The following PROCR variants were observed in gnomAD, a reference collection of about 807,000 sequenced individuals.
PROCR encodes the protein protein C receptor, also known as endothelial protein C receptor.
PROCR carries 22 observed loss-of-function variants against 24.2 expected under a neutral mutation model. That is an observed-to-expected ratio of 0.91 (90% CI 0.65 to 1.30). The LOEUF (loss-of-function observed/expected upper bound fraction) is 1.30, where lower values mean the gene tolerates loss of function less well. PROCR is among the 50% of genes most tolerant of loss of function. The probability of loss-of-function intolerance (pLI) is 0.00; values close to 1 mark genes in which losing one functional copy is unlikely to be tolerated. For synonymous variants in PROCR, 137 were observed against 139.2 expected, an observed-to-expected ratio of 0.98 and a Z score of 0.11; for missense variants, 288 against 307.7, an observed-to-expected ratio of 0.94 and a Z score of 0.48.
chr20:35,184,795 C>T (rs1359488854), intron 1 of PROCR, among the ~76,000 whole-genome samples: 1 of 152,096 alleles, frequency 6.6e-6, no homozygotes, highest in Non-Finnish European at 1.5e-5. Context: ...TGGAAAAACC[C>T]TTCTAGACAT....
intron 1 of PROCR, among the ~76,000 whole-genome samples, chr20:35,201,019 TACTGAAGTGGTCTAGA>T (rs2146172288): frequency 6.6e-6 from 1 of 152,310 alleles, no homozygotes; most frequent in South Asian, 2.1e-4. Context: ...ATATTCACTT[TACTGAAGTGGTCTAGA>T]ACTGAACCTG....
chr20:35,191,621 G>A (rs2086174536), intron 1 of PROCR, among the ~76,000 whole-genome samples: 1 of 152,152 alleles, frequency 6.6e-6, no homozygotes, highest in South Asian at 2.1e-4. Context: ...AAGTGCAAGA[G>A]TGGCCAGGGG....
chr20:35,188,038 C>A (rs1456264724), intron 1 of PROCR, among the ~76,000 whole-genome samples: 1 of 152,218 alleles, frequency 6.6e-6, no homozygotes, highest in Non-Finnish European at 1.5e-5. Context: ...CTGGCATATT[C>A]TAAAAGTATC....
chr20:35,177,095 G>C lies in PROCR; in HGVS notation c.*282G>C. The C allele has an allele frequency of 8.2e-7, 1 of 1,225,074 alleles. No individual in the cohort carries two copies. The highest frequency in any genetic ancestry group is 3.5e-5 in the Admixed American group (1 of 28,574). The allele number at this position is 1,225,074 out of a possible 1,614,324, so 75.9% of individuals were successfully genotyped here. ...ATCTTTGTGGAAAACAGATAATGGAGTTGGGGCAGGAAGCCTATGGCCCAT... is the reference window on the plus strand; with the variant it reads ...ATCTTTGTGGAAAACAGATAATGGACTTGGGGCAGGAAGCCTATGGCCCAT... On this transcript the variant is annotated 3_prime_UTR_variant, in exon 4 of 4. Transcript: ENST00000216968.
intron 1 of PROCR, among the ~76,000 whole-genome samples, chr20:35,174,163 T>G (rs943803166): frequency 2.0e-5 from 3 of 152,198 alleles, no homozygotes; most frequent in African/African-American, 7.2e-5. Context: ...GCTATGATTA[T>G]TTTTGATTAA....
chr20:35,200,199 C>G (rs2060313598), intron 1 of PROCR, among the ~76,000 whole-genome samples: 1 of 152,180 alleles, frequency 6.6e-6, no homozygotes, highest in Non-Finnish European at 1.5e-5. Context: ...TAGAATATTA[C>G]ATAAACTTAG....
chr20:35,214,550 G>A (rs749598339), intron 1 of PROCR, among the ~76,000 whole-genome samples: 3 of 151,706 alleles, frequency 2.0e-5, no homozygotes, highest in Admixed American at 1.3e-4. Flanking sequence ...TTAGCTAGGC[G>A]TGGTGGTGGG....
chr20:35,174,897 A>T lies in PROCR; in HGVS notation c.266A>T (p.Tyr89Phe). The T allele has an allele frequency of 6.2e-7, 1 of 1,601,016 alleles. No homozygotes were observed. Among genetic ancestry groups the T allele is most frequent in the South Asian group, 1.1e-5 (1 of 90,526 alleles). The change falls in exon 2 of 4, where the codon TAC (tyrosine) becomes TTC (phenylalanine). Residue 89 changes from tyrosine (Y) to phenylalanine (F), a missense_variant. Coordinates refer to ENST00000216968, the MANE Select transcript of PROCR (RefSeq NM_006404.5). ...CGCACGCAGAGTGGCCTGCAGTCCT[A>T]CCTGCTCCAGTTCCACGGCCTCGTG... ...WARTQSGLQS[Y>F]LLQFHGLVRL... is the part of the protein sequence containing the mutation.
At chr20:35,189,767 A>T (rs907999264) in intron 1 of PROCR, among the ~76,000 whole-genome samples, 6 of 152,158 alleles carry the variant, frequency 3.9e-5, no homozygotes, top group African/African-American at 1.2e-4. Flanking sequence ...ATAGAAAAGA[A>T]CCCACGTTGA....
chr20:35,207,037 C>T (rs1181750092), intron 1 of PROCR, among the ~76,000 whole-genome samples: 2 of 152,168 alleles, frequency 1.3e-5, no homozygotes, highest in African/African-American at 2.4e-5. Context: ...ATACACTCAA[C>T]AACATGGATG....
intron 1 of PROCR, among the ~76,000 whole-genome samples, chr20:35,207,413 TAC>T (rs971479920): frequency 2.0e-5 from 3 of 149,954 alleles, no homozygotes; most frequent in Middle Eastern, 3.5e-3. Flanking sequence ...TATATATATA[TAC>T]ACATATGAAT....
At chr20:35,186,522 C>T (rs867458164) in intron 1 of PROCR, among the ~76,000 whole-genome samples, 9 of 147,496 alleles carry the variant, frequency 6.1e-5, no homozygotes, top group South Asian at 2.1e-4. Context: ...GCCAAGATCG[C>T]GCCATTGCAC....
intron 1 of PROCR, among the ~76,000 whole-genome samples, chr20:35,212,605 C>G (rs1372554319): frequency 6.6e-6 from 1 of 152,218 alleles, no homozygotes; most frequent in Non-Finnish European, 1.5e-5. Flanking sequence ...CCATTTTCAA[C>G]TTCTTCCCAG....
chr20:35,193,840 G>C (rs1242850247), intron 1 of PROCR, among the ~76,000 whole-genome samples: 1 of 152,152 alleles, frequency 6.6e-6, no homozygotes, highest in Non-Finnish European at 1.5e-5. Flanking sequence ...TCACTATATA[G>C]ATAACATGTA....
intron 1 of PROCR, among the ~76,000 whole-genome samples, chr20:35,183,505 T>C (rs1015237628): frequency 6.6e-6 from 1 of 152,220 alleles, no homozygotes; most frequent in African/African-American, 2.4e-5. Context: ...CCATGCTTCC[T>C]GTACATCCTG....
chr20:35,171,198 G>T (rs1356046474), upstream of PROCR, among the ~76,000 whole-genome samples: 1 of 152,124 alleles, frequency 6.6e-6, no homozygotes, highest in Non-Finnish European at 1.5e-5. Flanking sequence ...TGACTTTAAA[G>T]CTTTTCTACT....
rs114420603 is a variant in PROCR, at chr20:35,187,044, T to C, written c.94+10598T>C. Among the ~76,000 whole-genome samples the C allele has an allele frequency of 4.4e-3, 677 of 152,300 alleles. 2 individuals carry two copies. Among genetic ancestry groups the C allele is most frequent in the African/African-American group, 0.016 (645 of 41,574 alleles). ...ATTAGGTCAATTCCTTCTTTGCGCTTCCTCAATCCATAGTTTGATCTATCT... is the reference window on the plus strand; with the variant it reads ...ATTAGGTCAATTCCTTCTTTGCGCTCCCTCAATCCATAGTTTGATCTATCT... On this transcript the variant is annotated intron_variant, in intron 1 of 1. Transcript: ENST00000634509.
rs1405610170 is a variant in PROCR at position 35,197,282 on chromosome 20, C to T, written c.95-18611C>T. Among the ~76,000 whole-genome samples, 3 of 152,082 alleles carry T rather than the reference C, an allele frequency of 2.0e-5. No individual in the cohort carries two copies. The East Asian group carries it at 5.8e-4, about 29-fold the overall frequency. ...CCAAACTTTTTCATTATTATTATAT[C>T]TGATGTGGTGATCTGTGATCAGTGA... On this transcript the variant is annotated intron_variant, in intron 1 of 1. Coordinates refer to the PROCR transcript ENST00000634509.
chr20:35,210,088 T>C (rs1258009713), intron 1 of PROCR, among the ~76,000 whole-genome samples: 3 of 151,888 alleles, frequency 2.0e-5, no homozygotes, highest in Non-Finnish European at 4.4e-5. Context: ...TAGCCAGGTG[T>C]GGTGGTGTGT....
Sources: gnomAD v4.1 joint callset for allele counts (sites outside exome capture counted in the v4.1 genomes callset) on GRCh38, gnomAD v4.1.1 for gene constraint, MANE v1.5 for transcripts, NCBI Gene and HGNC (gene_info 2026-07-23, HGNC 2026-07-21) for gene names.